Variants in TGFA observed in about 807,000 individuals in gnomAD.
TGFA encodes the protein transforming growth factor alpha, also known as protransforming growth factor alpha.
In TGFA, 12 loss-of-function variants were observed where a neutral mutation model predicts 21.7. The ratio of observed to expected loss-of-function variants is 0.55; its 90% CI spans 0.35 to 0.90. The LOEUF (loss-of-function observed/expected upper bound fraction) is 0.90, where lower values mean the gene tolerates loss of function less well. Among genes scored for constraint, TGFA ranks in the 40% least tolerant of loss-of-function variants. TGFA has a pLI of 0.01. For missense variants in TGFA, 178 were observed against 210.8 expected, an observed-to-expected ratio of 0.84 and a Z score of 0.96; for synonymous variants, 79 against 88.1, an observed-to-expected ratio of 0.90 and a Z score of 0.58.
intron 2 of TGFA, among the ~76,000 whole-genome samples, chr2:70,473,310 G>C (rs1553493605): frequency 1.3e-5 from 2 of 152,184 alleles, no homozygotes; most frequent in African/African-American, 4.8e-5. Context: ...AGAGCTTAGA[G>C]AAGTAAATGG....
chr2:70,487,702 T>C (rs1198001271), intron 2 of TGFA, among the ~76,000 whole-genome samples: 8 of 152,246 alleles, frequency 5.3e-5, no homozygotes, highest in African/African-American at 1.9e-4. Context: ...AGTTTTCATC[T>C]AATATATACT....
At chr2:70,515,343 C>T (rs1672238675) in intron 1 of TGFA, among the ~76,000 whole-genome samples, 2 of 152,094 alleles carry the variant, frequency 1.3e-5, no homozygotes, top group Admixed American at 1.3e-4. Flanking sequence ...TGTTTGTTTG[C>T]TATTTATGTC....
chr2:70,526,758 A>T (rs1418442391), intron 1 of TGFA, among the ~76,000 whole-genome samples: 7 of 152,186 alleles, frequency 4.6e-5, no homozygotes, highest in African/African-American at 1.7e-4. Context: ...GGTGGTGATG[A>T]GAAGCAAAAA....
At chr2:70,464,390 A>G (rs1670488632) in intron 3 of TGFA, among the ~76,000 whole-genome samples, 2 of 152,246 alleles carry the variant, frequency 1.3e-5, no homozygotes, top group Non-Finnish European at 2.9e-5. Context: ...ATTAGTATGA[A>G]ACTGCCAATC....
At chr2:70,458,000 A>T (rs1670290256) in intron 3 of TGFA, among the ~76,000 whole-genome samples, 1 of 152,192 alleles carries the variant, frequency 6.6e-6, no homozygotes, top group African/African-American at 2.4e-5. Flanking sequence ...TCGCTTTTAG[A>T]TTAAAAGGCC....
At chr2:70,548,188 T>C (rs1656168939) in intron 1 of TGFA, among the ~76,000 whole-genome samples, 2 of 152,126 alleles carry the variant, frequency 1.3e-5, no homozygotes, top group African/African-American at 4.8e-5. Flanking sequence ...CCACCAAGTG[T>C]TTGCCAACTG....
intron 1 of TGFA, among the ~76,000 whole-genome samples, chr2:70,527,551 T>G (rs895834998): frequency 6.6e-6 from 1 of 152,198 alleles, no homozygotes; most frequent in Non-Finnish European, 1.5e-5. Flanking sequence ...TCCAAACACA[T>G]AGAATGTACA....
At chr2:70,509,727 G>C (rs182482222) in intron 2 of TGFA, among the ~76,000 whole-genome samples, 3 of 152,118 alleles carry the variant, frequency 2.0e-5, no homozygotes, top group Admixed American at 2.0e-4. Context: ...GCTGGTTCCC[G>C]GGCGCCTGAG....
intron 1 of TGFA, among the ~76,000 whole-genome samples, chr2:70,548,524 A>G (rs1673387051): frequency 6.6e-6 from 1 of 152,232 alleles, no homozygotes; most frequent in African/African-American, 2.4e-5. Flanking sequence ...CTTCAAGGGT[A>G]CAAATGCGAA....
At chr2:70,544,835 T>C (rs1673242667) in intron 1 of TGFA, among the ~76,000 whole-genome samples, 1 of 152,168 alleles carries the variant, frequency 6.6e-6, no homozygotes, top group Non-Finnish European at 1.5e-5. Flanking sequence ...ATTGAACTCA[T>C]GGAGACAGAG....
At chr2:70,469,851 A>G (rs1366271081) in intron 2 of TGFA, among the ~76,000 whole-genome samples, 1 of 152,222 alleles carries the variant, frequency 6.6e-6, no homozygotes, top group Non-Finnish European at 1.5e-5. Context: ...ATACAAAGAA[A>G]GAGAAAACTT....
chr2:70,529,290 AC>A lies in TGFA; in HGVS notation c.41-14379del, dbSNP rs553442357. Among the ~76,000 whole-genome samples, 540 of 152,294 alleles carry A rather than the reference AC, an allele frequency of 3.5e-3. 2 individuals carry two copies. Among genetic ancestry groups the A allele is most frequent in the African/African-American group, 0.012 (512 of 41,552 alleles). On this transcript the variant is annotated intron_variant, in intron 1 of 5. Coordinates refer to ENST00000295400, the MANE Select transcript of TGFA (RefSeq NM_003236.4). ...CAGAGACATCCAGGGGGCATGAACT[AC>A]AGAAGACAACACTTGGACTCTCCTA...
intron 1 of TGFA, 94 bp from the exon 2 acceptor site, chr2:70,515,006 G>A (rs1215131958): frequency 3.5e-5 from 42 of 1,204,106 alleles, no homozygotes; most frequent in Non-Finnish European, 4.5e-5. Flanking sequence ...ACAGGCAAAG[G>A]TTCGGTAGTT....
chr2:70,474,765 T>C (rs889495737), intron 2 of TGFA, among the ~76,000 whole-genome samples: 4 of 152,226 alleles, frequency 2.6e-5, no homozygotes, highest in South Asian at 2.1e-4. Context: ...GAATTGCTTT[T>C]GCAGCTTCAA....
At chr2:70,518,800 C>G (rs1184115248) in intron 1 of TGFA, among the ~76,000 whole-genome samples, 2 of 152,226 alleles carry the variant, frequency 1.3e-5, no homozygotes, top group Non-Finnish European at 2.9e-5. Flanking sequence ...CCCCTGACCA[C>G]CTCAGCAGAG....
intron 2 of TGFA, among the ~76,000 whole-genome samples, chr2:70,474,910 AACAC>A (rs556258573): frequency 1.5e-3 from 232 of 152,140 alleles, no homozygotes; most frequent in Middle Eastern, 0.01. Flanking sequence ...TTGGTAAAGA[AACAC>A]ACAATTTAGT....
chr2:70,504,471 T>TATATATATATATATATAC lies in TGFA; in HGVS notation c.94+10387_94+10388insGTATATATATATATATAT, dbSNP rs1671852460. ...ATATATATATATATATATACACACA[T>TATATATATATATATATAC]ACATACATACATACACACACACACA... On this transcript the variant is annotated intron_variant, in intron 2 of 5. Transcript: ENST00000295400. Among the ~76,000 whole-genome samples the TATATATATATATATATAC allele has an allele frequency of 4.6e-5, 4 of 87,178 alleles. No homozygotes were observed. The South Asian group carries it at 1.1e-3, about 23-fold the overall frequency. The allele number at this position is 87,178 out of a possible 152,430, so 57.2% of individuals were successfully genotyped here. A position where few individuals can be genotyped will look rare whatever the true frequency, so the allele number is the denominator to read the frequency against.
chr2:70,472,482 A>C (rs1670783494), intron 2 of TGFA, among the ~76,000 whole-genome samples: 1 of 152,206 alleles, frequency 6.6e-6, no homozygotes, highest in Admixed American at 6.5e-5. Context: ...TAGAGACCAC[A>C]GACCCACTAA....
chr2:70,552,069 C>T (rs952838338), intron 1 of TGFA, among the ~76,000 whole-genome samples: 2 of 152,212 alleles, frequency 1.3e-5, no homozygotes, highest in Non-Finnish European at 2.9e-5. Flanking sequence ...CATAATCTCT[C>T]TTTAAGGCAA....
Sources: gnomAD v4.1 joint callset for allele counts (sites outside exome capture counted in the v4.1 genomes callset) on GRCh38, gnomAD v4.1.1 for gene constraint, MANE v1.5 for transcripts, NCBI Gene and HGNC (gene_info 2026-07-23, HGNC 2026-07-21) for gene names.